SAMD9L: variants seen among roughly 807,000 people sequenced by gnomAD.
The protein encoded by SAMD9L is sterile alpha motif domain-containing protein 9-like.
SAMD9L carries 68 observed loss-of-function variants against 90.7 expected under a neutral mutation model. The ratio of observed to expected loss-of-function variants is 0.75; its 90% CI spans 0.62 to 0.92. The LOEUF (loss-of-function observed/expected upper bound fraction) is 0.92. Ranked by LOEUF, SAMD9L falls within the 40% of genes least tolerant of loss-of-function variation. The pLI, the probability that SAMD9L is intolerant of heterozygous loss-of-function variation, is 0.00. For missense variants in SAMD9L, 1,604 were observed against 1,824.3 expected (o/e 0.88, Z 2.20); for synonymous variants, 640 against 630.1 (o/e 1.02, Z -0.23).
At position 93,134,096 on chromosome 7, in the gene SAMD9L, A is replaced by G. The variant is rs1792291048; in HGVS notation, c.1876T>C (p.Ser626Pro). 6.2e-7 allele frequency: 1 copy of G among 1,613,966 alleles called. No homozygotes were observed. The highest frequency in any genetic ancestry group is 8.5e-7 in the Non-Finnish European group (1 of 1,179,910). Reference protein sequence around the residue: ...LVNSTILKLKSVTRSSRRFLP... With the variant: ...LVNSTILKLKPVTRSSRRFLP... ...AACCTTCTTGATGACCGAGTCACCG[A>G]TTTTAGTTTAAGGATAGTGCTGTTT... The change falls in exon 5 of 5, where the codon TCG becomes CCG. Residue 626 changes from serine to proline, a missense_variant. Ser to Pro is a moderately conservative substitution (Grantham distance 74). Coordinates refer to ENST00000318238, the MANE Select transcript of SAMD9L (RefSeq NM_152703.5).
intron 4 of SAMD9L, among the ~76,000 whole-genome samples, chr7:93,139,228 C>T (rs1179777660): frequency 6.6e-6 from 1 of 152,138 alleles, no homozygotes; most frequent in Admixed American, 6.6e-5. Context: ...CTCACCCGAT[C>T]GACTTTTATC....
chr7:93,134,974 C>T lies in SAMD9L; in HGVS notation c.998G>A (p.Trp333Ter). Residue 333 changes from tryptophan to a stop codon, truncating the protein, a stop_gained, in exon 5 of 5, where the codon TGG becomes TAG. Transcript: ENST00000318238. LOFTEE classifies it low-confidence loss of function (END_TRUNC). ...CAGTGAAAGATTTTGGTTTTGTTTC[C>T]ATATTTTATCTTTACAAATTTGCAT... ...IQMQICKDKI[W>*]KQNQNLSLFV... 1 of 1,613,394 alleles carries T rather than the reference C, an allele frequency of 6.2e-7. No individual in the cohort carries two copies. Among genetic ancestry groups the T allele is most frequent in the Non-Finnish European group, 8.5e-7 (1 of 1,179,438 alleles).
chr7:93,140,330 A>G (rs1479265655), intron 4 of SAMD9L, among the ~76,000 whole-genome samples: 4 of 128,840 alleles, frequency 3.1e-5, no homozygotes, highest in African/African-American at 6.1e-5. Context: ...TCCACACCCT[A>G]ACTGGAGCAT....
At chr7:93,144,669 C>T (rs1584300381) in intron 4 of SAMD9L, 63 bp downstream of exon 4, 1 of 152,070 alleles carries the variant, frequency 6.6e-6, no homozygotes, top group African/African-American at 2.4e-5. Context: ...ACTGGCCTGC[C>T]CTTGGCAAGC....
rs1242086071 is a variant in SAMD9L, at chr7:93,133,593, C to G, written c.2379G>C (p.Gln793His). ...CAAGGAGAAGCACAGGAATGTAATC[C>G]TGATGGCTCTTTGCCCTATAGGTGA... ...NLVTYRAKSH[Q>H]DYIPVLLLVD... Residue 793 changes from glutamine (Q) to histidine (H), a missense_variant, in exon 5 of 5, where the codon CAG (glutamine) becomes CAC (histidine). By Grantham distance (24) the Gln-to-His change is conservative (BLOSUM62 0). Around this residue, in one of 7 missense-constraint regions of SAMD9L, gnomAD observed 606 missense variants for 717.6 expected, o/e 0.84. Coordinates refer to ENST00000318238, the MANE Select transcript of SAMD9L (RefSeq NM_152703.5). 1 of 1,613,812 alleles carries G rather than the reference C, an allele frequency of 6.2e-7. No individual in the cohort carries two copies. The highest frequency in any genetic ancestry group is 1.7e-5 in the Admixed American group (1 of 59,982).
At chr7:93,143,653 T>C (rs1321669101) in intron 4 of SAMD9L, among the ~76,000 whole-genome samples, 1 of 152,230 alleles carries the variant, frequency 6.6e-6, no homozygotes, top group Non-Finnish European at 1.5e-5. Context: ...TGATAACATA[T>C]AACATAAAAA....
rs1462751874 is a variant in SAMD9L at position 93,135,714 on chromosome 7, A to G, written c.258T>C (p.Asp86=). ...NSKSPESDNH[D]PGQLDNSKPS... is the part of the protein sequence containing the mutation. ...GTTTTGAATTATCTAATTGTCCCGG[A>G]TCATGATTGTCACTTTCAGGGGACT... The change falls in exon 5 of 5, where the codon GAT becomes GAC. Residue 86 remains aspartate (D), a synonymous_variant. Transcript: ENST00000318238. 1 of 1,613,890 alleles carries G rather than the reference A, an allele frequency of 6.2e-7. No individual in the cohort carries two copies. The highest frequency in any genetic ancestry group is 8.5e-7 in the Non-Finnish European group (1 of 1,179,976).
In SAMD9L at chr7:93,139,664, G is replaced by C. The variant is rs113092046; in HGVS notation, c.-20-3673C>G. 3.6e-4 allele frequency among the ~76,000 whole-genome samples: 55 copies of C among 152,244 alleles called. 1 individual carries two copies. Among genetic ancestry groups the C allele is most frequent in the African/African-American group, 1.3e-3 (53 of 41,558 alleles). On this transcript the variant is annotated intron_variant, in intron 4 of 4. Transcript: ENST00000318238. ...TTGATCTTGGACTTCTAGTTGCAAG[G>C]GTTCTGAGATAATACATTTCTGTTG...
Position 93,132,931 on chromosome 7 carries a change from T to C in SAMD9L, c.3041A>G (p.Asn1014Ser), listed in dbSNP as rs1428893258. ...ATAGAATAAATTCTCTTCTAATATATTCAATGCAATTTGACATTTATCCAA... is the reference window on the plus strand; with the variant it reads ...ATAGAATAAATTCTCTTCTAATATACTCAATGCAATTTGACATTTATCCAA... ...YHLDKCQIAL[N>S]ILEENLFYDS... The change falls in exon 5 of 5, where the codon AAT becomes AGT. Residue 1014 changes from asparagine to serine, a missense_variant. Asn to Ser is a conservative substitution (Grantham distance 46). This residue lies in a region of SAMD9L where 302 missense variants were observed against 314.7 expected (regional missense o/e 0.96). Transcript: ENST00000318238. The C allele has an allele frequency of 1.9e-6, 3 of 1,613,388 alleles. No homozygotes were observed. Among genetic ancestry groups the C allele is most frequent in the Non-Finnish European group, 2.5e-6 (3 of 1,179,706 alleles).
chr7:93,139,581 G>T (rs1270534078), intron 4 of SAMD9L, among the ~76,000 whole-genome samples: 1 of 152,186 alleles, frequency 6.6e-6, no homozygotes, highest in African/African-American at 2.4e-5. Context: ...GCTACTGTGA[G>T]AGGCATGGAA....
Position 93,134,911 on chromosome 7 carries a change from G to A in SAMD9L, c.1061C>T (p.Ala354Val), listed in dbSNP as rs912280663. Residue 354 changes from alanine (A) to valine (V), a missense_variant, in exon 5 of 5, where the codon GCC becomes GTC. This residue lies in a region of SAMD9L where 606 missense variants were observed against 717.6 expected (regional missense o/e 0.84). Transcript: ENST00000318238. ...REGASSRDIL[A>V]NSKQRDVDFK... ...ATCTACATCCCGTTGCTTGGAATTG[G>A]CCAGGATATCCCTAGAGCTAGCCCC... 4.3e-6 allele frequency: 7 copies of A among 1,613,824 alleles called. No homozygotes were observed. The highest frequency in any genetic ancestry group is 3.3e-4 in the Middle Eastern group (2 of 6,062).
intron 4 of SAMD9L, among the ~76,000 whole-genome samples, chr7:93,141,335 T>A (rs1032353339): frequency 3.9e-5 from 6 of 152,234 alleles, no homozygotes; most frequent in Middle Eastern, 3.2e-3. Context: ...ATCTTGCATT[T>A]AAACGCAATC....
Position 93,131,788 on chromosome 7 carries a change from G to T in SAMD9L, c.4184C>A (p.Pro1395His), listed in dbSNP as rs1487380358. ...LANIILSCLK[P>H]NSKLIQPLTT... ...AAGTGGTTGAATTAACTTGGAGTTG[G>T]GCTTTAGACAACTCAGAATAATGTT... The change falls in exon 5 of 5, where the codon CCC (proline) becomes CAC (histidine). Residue 1395 changes from proline (P) to histidine (H), a missense_variant. This residue lies in a region of SAMD9L where 282 missense variants were observed against 329.6 expected (regional missense o/e 0.86). Transcript: ENST00000318238. The T allele has an allele frequency of 1.9e-6, 3 of 1,613,254 alleles. No individual in the cohort carries two copies. In the Admixed American group the frequency reaches 5.0e-5, roughly 27 times the overall value.
chr7:93,139,538 T>C (rs1172365119), intron 4 of SAMD9L, among the ~76,000 whole-genome samples: 1 of 152,152 alleles, frequency 6.6e-6, no homozygotes, highest in East Asian at 1.9e-4. Context: ...GTGATGTTTC[T>C]ACAAGCCAAG....
chr7:93,141,919 A>G (rs921874180), intron 4 of SAMD9L, among the ~76,000 whole-genome samples: 2 of 152,122 alleles, frequency 1.3e-5, no homozygotes, highest in African/African-American at 4.8e-5. Flanking sequence ...GTCTGACATG[A>G]TATGTCCACC....
At chr7:93,139,824 C>T (rs1335396598) in intron 4 of SAMD9L, among the ~76,000 whole-genome samples, 1 of 152,210 alleles carries the variant, frequency 6.6e-6, no homozygotes, top group East Asian at 1.9e-4. Flanking sequence ...AGACCCACTG[C>T]CTTTAGTGCT....
At position 93,135,689 on chromosome 7, in the gene SAMD9L, G is replaced by C; in HGVS notation, c.283C>G (p.Pro95Ala). 6.2e-7 allele frequency: 1 copy of C among 1,613,978 alleles called. No homozygotes were observed. The highest frequency in any genetic ancestry group is 1.7e-4 in the Middle Eastern group (1 of 6,060). ...TTTTTCTGGTGTTCTGTTTTGGACG[G>C]TTTTGAATTATCTAATTGTCCCGGA... ...HDPGQLDNSK[P>A]SKTEHQKNPK... The change falls in exon 5 of 5, where the codon CCG becomes GCG. Residue 95 changes from proline (P) to alanine (A), a missense_variant. Pro to Ala is a conservative substitution (Grantham distance 27, BLOSUM62 -1). This residue lies in a region of SAMD9L where 374 missense variants were observed against 363.6 expected (regional missense o/e 1.03). Coordinates refer to ENST00000318238, the MANE Select transcript of SAMD9L (RefSeq NM_152703.5).
rs572865269 is a variant in SAMD9L, at chr7:93,132,410, G to A, written c.3562C>T (p.Arg1188Ter). The change falls in exon 5 of 5, where the codon CGA becomes TGA. Residue 1188 changes from arginine (R) to a stop codon, truncating the protein, a stop_gained. Transcript: ENST00000318238. LOFTEE classifies it high-confidence loss of function. The stretch of plus-strand genomic sequence containing the variant: ...CAAGCTGTGTTATACATGTCATATC[G>A]TCTCTGGGACTTCTGTGGTGACCAG... ...ENWSPQKSQR[R>*]YDMYNTACFL... is the part of the protein sequence containing the mutation. 1.9e-6 allele frequency: 3 copies of A among 1,613,654 alleles called. No individual in the cohort carries two copies. Among genetic ancestry groups the A allele is most frequent in the African/African-American group, 1.3e-5 (1 of 74,982 alleles).
intron 4 of SAMD9L, among the ~76,000 whole-genome samples, chr7:93,139,939 C>T (rs1217483002): frequency 6.6e-6 from 1 of 152,200 alleles, no homozygotes; most frequent in Admixed American, 6.5e-5. Flanking sequence ...TCCTCTTTTA[C>T]TGACTTAATA....
Sources: gnomAD v4.1 joint callset for allele counts (sites outside exome capture counted in the v4.1 genomes callset) on GRCh38, gnomAD v4.1.1 for gene constraint, gnomAD v4.1.1 regional missense constraint, MANE v1.5 for transcripts, NCBI Gene and HGNC (gene_info 2026-07-23, HGNC 2026-07-21) for gene names.